CATSPERB: variants seen among roughly 807,000 people sequenced by gnomAD.
CATSPERB encodes catsper channel auxiliary subunit beta.
A neutral mutation model predicts 128.3 loss-of-function variants in CATSPERB; 93 were observed. The ratio of observed to expected loss-of-function variants is 0.72; its 90% CI spans 0.61 to 0.86. CATSPERB has a LOEUF of 0.86. Ranked by LOEUF, CATSPERB falls within the 40% of genes least tolerant of loss-of-function variation. CATSPERB has a pLI of 0.00. For missense variants in CATSPERB, 1,153 were observed against 1,329.5 expected (o/e 0.87, Z 2.06); for synonymous variants, 381 against 448.8 (o/e 0.85, Z 1.91).
chr14:91,647,908 A>T (rs1045966053), intron 15 of CATSPERB, among the ~76,000 whole-genome samples: 1 of 152,200 alleles, frequency 6.6e-6, no homozygotes, highest in South Asian at 2.1e-4. Flanking sequence ...AAAATAATTT[A>T]TCTAAGTATT....
chr14:91,701,505 C>T (rs575531535), intron 7 of CATSPERB, among the ~76,000 whole-genome samples: 8 of 152,036 alleles, frequency 5.3e-5, no homozygotes, highest in South Asian at 2.1e-4. Flanking sequence ...GTGGATAGAG[C>T]GGGATAAAAG....
chr14:91,582,822 C>A (rs377383579), intron 26 of CATSPERB, among the ~76,000 whole-genome samples: 1 of 152,186 alleles, frequency 6.6e-6, no homozygotes, highest in African/African-American at 2.4e-5. Flanking sequence ...TAAAATTATT[C>A]TTTGCCCTCC....
chr14:91,610,765 AACCTC>A, intron 20 of CATSPERB, 88 bp from the exon 21 acceptor site: 1 of 1,184,090 alleles, frequency 8.4e-7, no homozygotes, highest in Non-Finnish European at 1.2e-6. Context: ...TTGAAACCCC[AACCTC>A]CAGTATCTCA....
At chr14:91,652,822 A>T (rs1894730227) in intron 15 of CATSPERB, among the ~76,000 whole-genome samples, 1 of 152,176 alleles carries the variant, frequency 6.6e-6, no homozygotes, top group African/African-American at 2.4e-5. Context: ...AAGTCTGATC[A>T]CCAGAATCTT....
chr14:91,600,386 G>A (rs1376817963), intron 22 of CATSPERB, among the ~76,000 whole-genome samples: 8 of 152,048 alleles, frequency 5.3e-5, no homozygotes, highest in Admixed American at 4.6e-4. Flanking sequence ...ATCTTTTCAC[G>A]GGCTTGTTGG....
chr14:91,654,440 C>T (rs1025985277), intron 15 of CATSPERB, among the ~76,000 whole-genome samples: 3 of 152,140 alleles, frequency 2.0e-5, no homozygotes, highest in Non-Finnish European at 4.4e-5. Flanking sequence ...AGCCCTTGGA[C>T]CTTGAGTGAA....
rs1555360387 is a variant in CATSPERB, at chr14:91,616,733, C to CCTTTTTTTTTTTTTTTTT, written c.2400+863_2400+864insAAAAAAAAAAAAAAAAAG. Among the ~76,000 whole-genome samples, 2 of 84,482 alleles carry CCTTTTTTTTTTTTTTTTT rather than the reference C, an allele frequency of 2.4e-5. 1 individual carries two copies. Among genetic ancestry groups the CCTTTTTTTTTTTTTTTTT allele is most frequent in the African/African-American group, 9.4e-5 (2 of 21,328 alleles). 55.4% of individuals were successfully genotyped at this position (84,482 alleles called of 152,430 possible). The stretch of plus-strand genomic sequence containing the variant: ...ATTTCTTATTATTTAAAGTATTCCC[C>CCTTTTTTTTTTTTTTTTT]TTTTTTTTTTTTTTTTTTTTTTTTT... On this transcript the variant is annotated intron_variant, in intron 20 of 26. Transcript: ENST00000256343.
At chr14:91,652,453 G>GT (rs1166639310) in intron 15 of CATSPERB, among the ~76,000 whole-genome samples, 1 of 149,906 alleles carries the variant, frequency 6.7e-6, no homozygotes, top group Non-Finnish European at 1.5e-5. Context: ...GAGGTCAGGA[G>GT]TTTGAGACCA....
intron 22 of CATSPERB, among the ~76,000 whole-genome samples, chr14:91,605,653 C>T (rs999911070): frequency 6.6e-6 from 1 of 152,198 alleles, no homozygotes; most frequent in Non-Finnish European, 1.5e-5. Context: ...GTCAGAGACA[C>T]TGAGCCTTTC....
At chr14:91,679,792 T>C (rs964201314) in intron 11 of CATSPERB, among the ~76,000 whole-genome samples, 2 of 152,242 alleles carry the variant, frequency 1.3e-5, no homozygotes, top group African/African-American at 4.8e-5. Context: ...AATTAATCAA[T>C]GCAAGTCTGT....
At chr14:91,723,632 C>G (rs1406398115) in intron 3 of CATSPERB, among the ~76,000 whole-genome samples, 1 of 152,018 alleles carries the variant, frequency 6.6e-6, no homozygotes, top group African/African-American at 2.4e-5. Flanking sequence ...AGACAGATAC[C>G]AAGAGCTTTA....
intron 15 of CATSPERB, among the ~76,000 whole-genome samples, chr14:91,645,941 G>A (rs1278977506): frequency 8.2e-4 from 110 of 134,560 alleles, no homozygotes; most frequent in East Asian, 2.4e-3. Context: ...TCTGAAAAGC[G>A]CAATATTCGG....
At chr14:91,626,284 T>C (rs976972151) in intron 17 of CATSPERB, among the ~76,000 whole-genome samples, 10 of 151,814 alleles carry the variant, frequency 6.6e-5, no homozygotes, top group Non-Finnish European at 1.2e-4. Context: ...AAATATATGC[T>C]ATGGTTTTAA....
intron 7 of CATSPERB, among the ~76,000 whole-genome samples, chr14:91,700,939 C>A (rs1341095222): frequency 1.3e-5 from 2 of 152,094 alleles, no homozygotes; most frequent in African/African-American, 4.8e-5. Context: ...TGTAACAAAC[C>A]TGCACATGTA....
intron 2 of CATSPERB, among the ~76,000 whole-genome samples, chr14:91,728,605 T>C (rs10141470): frequency 0.97 from 148,188 of 152,300 alleles, 72,134 homozygotes; most frequent in East Asian, 1. Context: ...CTCCACGGAC[T>C]GCTTTGCCTA....
intron 22 of CATSPERB, chr14:91,603,548 C>T: frequency 2.7e-6 from 2 of 734,928 alleles, no homozygotes; most frequent in South Asian, 3.3e-5. Flanking sequence ...GCAGAGGACC[C>T]CACCGCTCTA....
chr14:91,680,196 C>T (rs1895255493), intron 11 of CATSPERB, among the ~76,000 whole-genome samples: 1 of 152,176 alleles, frequency 6.6e-6, no homozygotes, highest in Admixed American at 6.5e-5. Flanking sequence ...CTGTCATTCT[C>T]AGAATGAGGC....
rs1273308023 is a variant in CATSPERB, at chr14:91,704,599, G to C, written c.569C>G (p.Ala190Gly). The change falls in exon 7 of 27, where the codon GCC becomes GGC. Residue 190 changes from alanine (A) to glycine (G), a missense_variant. Physicochemically the swap from Ala to Gly is moderately conservative, Grantham distance 60. Coordinates refer to ENST00000256343, the MANE Select transcript of CATSPERB (RefSeq NM_024764.4). ...VDLKVTKCPC[A>G]NDVALLGFIV... ...GAAGCCTAGTAATGCCACATCATTG[G>C]CACAGGGGCATTTTGTCACTTTGAG... The C allele has an allele frequency of 6.2e-7, 1 of 1,611,736 alleles. No homozygotes were observed. Among genetic ancestry groups the C allele is most frequent in the African/African-American group, 1.3e-5 (1 of 74,200 alleles).
rs1284419968 is a variant in CATSPERB, at chr14:91,596,206, A to AC, written c.2710-4205dup. The stretch of plus-strand genomic sequence containing the variant: ...GAGTCTGATAGCTAATTATAAATCC[A>AC]CCCCCCTTTTTTTTTGAGACAGAGT... On this transcript the variant is annotated intron_variant, in intron 22 of 26. Coordinates refer to ENST00000256343, the MANE Select transcript of CATSPERB (RefSeq NM_024764.4). Among the ~76,000 whole-genome samples, 5 of 150,804 alleles carry AC rather than the reference A, an allele frequency of 3.3e-5. No individual in the cohort carries two copies. The East Asian group carries it at 7.8e-4, about 24-fold the overall frequency.
Sources: allele counts gnomAD v4.1 joint callset (sites outside exome capture counted in the v4.1 genomes callset), GRCh38; gene constraint gnomAD v4.1.1; transcripts MANE v1.5; gene names NCBI Gene and HGNC (gene_info 2026-07-23, HGNC 2026-07-21).